Variants in EVI5L observed in about 807,000 individuals in gnomAD.
EVI5L encodes the protein EVI5-like protein.
EVI5L carries 30 observed loss-of-function variants against 106.1 expected under a neutral mutation model. The observed-to-expected ratio is 0.28, with a 90% CI of 0.21 to 0.38. EVI5L has a LOEUF of 0.38. Ranked by LOEUF, EVI5L falls within the 10% of genes least tolerant of loss-of-function variation. EVI5L has a pLI of 1.00. For synonymous variants in EVI5L, 489 were observed against 483.3 expected, an observed-to-expected ratio of 1.01 and a Z score of -0.15; for missense variants, 809 against 1,098.0, an observed-to-expected ratio of 0.74 and a Z score of 3.72.
chr19:7,843,238 G>T (rs1365883031), intron 1 of EVI5L, among the ~76,000 whole-genome samples: 1 of 126,740 alleles, frequency 7.9e-6, no homozygotes, highest in East Asian at 2.5e-4. Context: ...TGTGTCGAGT[G>T]TGTGCATGTG....
rs1306487185 is a variant in EVI5L, at chr19:7,849,237, A to G, written c.553-19A>G. 6.2e-7 allele frequency: 1 copy of G among 1,614,116 alleles called. No individual in the cohort carries two copies. Among genetic ancestry groups the G allele is most frequent in the Middle Eastern group, 1.6e-4 (1 of 6,062 alleles). ...TGCTGGACGGCGGGACCCTGCTCTC[A>G]GGACTTGTTCCCTTCTAGGCATACT... On this transcript the variant is annotated intron_variant, in intron 4 of 19. Coordinates refer to ENST00000538904, the MANE Select transcript of EVI5L (RefSeq NM_001159944.3).
intron 1 of EVI5L, among the ~76,000 whole-genome samples, chr19:7,836,431 G>A (rs972109299): frequency 1.3e-5 from 2 of 152,116 alleles, no homozygotes; most frequent in South Asian, 2.1e-4. Flanking sequence ...TTTCACATAC[G>A]TGTATCATTC....
chr19:7,841,926 A>G (rs987227539), intron 1 of EVI5L, among the ~76,000 whole-genome samples: 2 of 152,228 alleles, frequency 1.3e-5, no homozygotes, highest in Admixed American at 6.5e-5. Context: ...CCACAGAATC[A>G]GGACAGCAGC....
Position 7,863,074 on chromosome 19 carries a change from G to A in EVI5L, c.2043+7G>A, listed in dbSNP as rs1380650348. ...TGCCGAGCTGGAGATCCAGGTGATC[G>A]GCGGGGCCGGGGTCGGGGGGCGGGG... On this transcript the variant is annotated splice_region_variant and intron_variant, in intron 18 of 19. Transcript: ENST00000538904. The surrounding 1 kb of genome is among the most constrained non-coding windows in gnomAD (Gnocchi z 7.7). 2.0e-6 allele frequency: 3 copies of A among 1,523,154 alleles called. No individual in the cohort carries two copies. The highest frequency in any genetic ancestry group is 2.6e-6 in the Non-Finnish European group (3 of 1,137,058). The allele number at this position is 1,523,154 out of a possible 1,614,324, so 94.4% of individuals were successfully genotyped here.
At chr19:7,842,414 CAA>C (rs1232905619) in intron 1 of EVI5L, among the ~76,000 whole-genome samples, 1 of 95,950 alleles carries the variant, frequency 1.0e-5, no homozygotes, top group Non-Finnish European at 2.3e-5. Context: ...GTGTGTGTAT[CAA>C]GTGTGTGCAT....
rs927392803 is a variant in EVI5L, at chr19:7,863,037, G to A, written c.2013G>A (p.Met671Ile). Residue 671 changes from methionine (M) to isoleucine (I), a missense_variant, in exon 18 of 20, where the codon ATG becomes ATA. By Grantham distance (10) the Met-to-Ile change is conservative (BLOSUM62 1). Coordinates refer to ENST00000538904, the MANE Select transcript of EVI5L (RefSeq NM_001159944.3). This position sits in a 1 kb window ranked among gnomAD's most constrained non-coding sequence, Gnocchi z 7.7. ...ACAGCATGGCTGCGGTGGCCGAGATGCGGCAGCGCATTGCCGAGCTGGAGA... is the reference window on the plus strand; with the variant it reads ...ACAGCATGGCTGCGGTGGCCGAGATACGGCAGCGCATTGCCGAGCTGGAGA... ...EADSMAAVAE[M>I]RQRIAELEIQ... The A allele has an allele frequency of 6.3e-7, 1 of 1,575,848 alleles. No individual in the cohort carries two copies.
intron 17 of EVI5L, 98 bp downstream of exon 17, chr19:7,862,632 C>T: frequency 4.4e-6 from 5 of 1,133,202 alleles, no homozygotes; most frequent in South Asian, 2.2e-5. Flanking sequence ...GGCGTCCTGC[C>T]TCCCGATCTG....
Position 7,857,896 on chromosome 19 carries a change from A to C in EVI5L, c.1234-295A>C. ...GGTGGCCTCGCTGTGCCCCTGGATAAGGATCCCAACTGGGGCAGAGACTGA... is the reference window on the plus strand; with the variant it reads ...GGTGGCCTCGCTGTGCCCCTGGATACGGATCCCAACTGGGGCAGAGACTGA... On this transcript the variant is annotated intron_variant, in intron 12 of 19. Transcript: ENST00000538904. The surrounding 1 kb of genome is among the most constrained non-coding windows in gnomAD (Gnocchi z 4.5). The C allele has an allele frequency of 2.5e-6, 1 of 393,338 alleles. No individual in the cohort carries two copies. The highest frequency in any genetic ancestry group is 4.7e-6 in the Non-Finnish European group (1 of 214,026). The allele number at this position is 393,338 out of a possible 1,614,324, so 24.4% of individuals were successfully genotyped here. A position where few individuals can be genotyped will look rare whatever the true frequency, so the allele number is the denominator to read the frequency against.
intron 1 of EVI5L, among the ~76,000 whole-genome samples, chr19:7,843,404 AGT>A (rs1024534788): frequency 4.4e-4 from 12 of 27,244 alleles, no homozygotes; most frequent in African/African-American, 1.2e-3. Flanking sequence ...TAGGTGTGTG[AGT>A]GTGAGAATAG....
At position 7,845,388 on chromosome 19, in the gene EVI5L, C is replaced by T. The variant is rs1246385719; in HGVS notation, c.-47-1108C>T. ...TCCTCTAGGGCCCCCTGCTAGGGGT[C>T]CCCTGGCCATCAGTCCCCACACAGG... On this transcript the variant is annotated intron_variant, in intron 1 of 19. Transcript: ENST00000538904. The surrounding 1 kb of genome is among the most constrained non-coding windows in gnomAD (Gnocchi z 4.0). Among the ~76,000 whole-genome samples, 1 of 152,160 alleles carries T rather than the reference C, an allele frequency of 6.6e-6. No individual in the cohort carries two copies. The highest frequency in any genetic ancestry group is 1.5e-5 in the Non-Finnish European group (1 of 68,018).
Position 7,858,271 on chromosome 19 carries a change from C to T in EVI5L, c.1314C>T (p.Ser438=). The part of the protein sequence containing the change: ...RELAVVRQQC[S]SAAEDLQKAQ... ...TGGCGGTGGTGCGGCAGCAGTGCAGCTCGGCGGCCGAGGACCTGCAGAAGG... is the reference window on the plus strand; with the variant it reads ...TGGCGGTGGTGCGGCAGCAGTGCAGTTCGGCGGCCGAGGACCTGCAGAAGG... Residue 438 remains serine, a synonymous_variant, in exon 13 of 20, where the codon AGC becomes AGT. Coordinates refer to ENST00000538904, the MANE Select transcript of EVI5L (RefSeq NM_001159944.3). The surrounding 1 kb of genome is among the most constrained non-coding windows in gnomAD (Gnocchi z 5.7). 6.4e-7 allele frequency: 1 copy of T among 1,553,744 alleles called. No homozygotes were observed. Among genetic ancestry groups the T allele is most frequent in the South Asian group, 1.2e-5 (1 of 84,318 alleles).
Position 7,857,288 on chromosome 19 carries a change from G to A in EVI5L, c.1233+164G>A. The A allele has an allele frequency of 1.1e-6, 1 of 898,032 alleles. No homozygotes were observed. Among genetic ancestry groups the A allele is most frequent in the Non-Finnish European group, 1.7e-6 (1 of 572,244 alleles). The allele number at this position is 898,032 out of a possible 1,614,324, so 55.6% of individuals were successfully genotyped here. ...TTCTGGGGGACACAGAGGCTTCCCG[G>A]GGGGGCGGGGCATGTGAAGTGGGGA... On this transcript the variant is annotated intron_variant, in intron 12 of 19. Transcript: ENST00000538904. This position sits in a 1 kb window ranked among gnomAD's most constrained non-coding sequence, Gnocchi z 4.5.
In EVI5L at chr19:7,863,940, C is replaced by G. The variant is rs1352109712; in HGVS notation, c.*238C>G. The G allele has an allele frequency of 2.0e-6, 1 of 507,728 alleles. No individual in the cohort carries two copies. Among genetic ancestry groups the G allele is most frequent in the Non-Finnish European group, 3.3e-6 (1 of 302,888 alleles). 31.5% of individuals were successfully genotyped at this position (507,728 alleles called of 1,614,324 possible). On this transcript the variant is annotated 3_prime_UTR_variant, in exon 20 of 20. Transcript: ENST00000538904. The surrounding 1 kb of genome is among the most constrained non-coding windows in gnomAD (Gnocchi z 7.7). ...TTTACCCATCTTGGTCTGTACCCCT[C>G]CGGGCCCTCTGGCGTTCCAGGGGTG...
intron 10 of EVI5L, 72 bp from the exon 11 acceptor site, chr19:7,855,941 AGT>A (rs1191201703): frequency 7.9e-7 from 1 of 1,267,718 alleles, no homozygotes; most frequent in Non-Finnish European, 1.0e-6. Flanking sequence ...TGACCCCGGC[AGT>A]GGGTAAATGA....
chr19:7,842,365 A>C (rs1978649185), intron 1 of EVI5L, among the ~76,000 whole-genome samples: 1 of 138,080 alleles, frequency 7.2e-6, no homozygotes, highest in Non-Finnish European at 1.6e-5. Flanking sequence ...ATGTGTATCA[A>C]GTGCGTGCAT....
rs999088382 is a variant in EVI5L at position 7,857,787 on chromosome 19, G to A, written c.1234-404G>A. ...TGCCGCTGGGAGAGGTGAATGCCCT[G>A]GGGAGCCCAGCCCTCTCCTGCCGGG... On this transcript the variant is annotated intron_variant, in intron 12 of 19. Transcript: ENST00000538904. This position sits in a 1 kb window ranked among gnomAD's most constrained non-coding sequence, Gnocchi z 4.5. 58 of 188,628 alleles carry A rather than the reference G, an allele frequency of 3.1e-4. No homozygotes were observed. Among genetic ancestry groups the A allele is most frequent in the Non-Finnish European group, 4.9e-4 (45 of 92,556 alleles). 11.7% of individuals were successfully genotyped at this position (188,628 alleles called of 1,614,324 possible).
chr19:7,847,925 G>T lies in EVI5L; in HGVS notation c.327+4G>T. Reference sequence around the variant, plus strand: ...CAGGAAGGAGAAGCTGCTCAAGGTGGGGGGCGGCCAGGCAGGCAGGGCTGG... The same window carrying T: ...CAGGAAGGAGAAGCTGCTCAAGGTGTGGGGCGGCCAGGCAGGCAGGGCTGG... On this transcript the variant is annotated splice_donor_region_variant and intron_variant, in intron 3 of 19. Transcript: ENST00000538904. The T allele has an allele frequency of 6.5e-7, 1 of 1,542,140 alleles. No homozygotes were observed. Among genetic ancestry groups the T allele is most frequent in the South Asian group, 1.2e-5 (1 of 84,206 alleles).
intron 2 of EVI5L, among the ~76,000 whole-genome samples, chr19:7,847,485 G>T (rs1486506288): frequency 6.6e-6 from 1 of 151,918 alleles, no homozygotes; most frequent in Non-Finnish European, 1.5e-5. Flanking sequence ...TACTCAGGAG[G>T]CTGAAGCAGG....
At chr19:7,842,995 AGT>A (rs1978719211) in intron 1 of EVI5L, among the ~76,000 whole-genome samples, 1 of 149,454 alleles carries the variant, frequency 6.7e-6, no homozygotes, top group Non-Finnish European at 1.5e-5. Flanking sequence ...ACGTGTGTTG[AGT>A]GTGTGCATGT....
Sources: gnomAD v4.1 joint callset for allele counts (sites outside exome capture counted in the v4.1 genomes callset) on GRCh38, gnomAD v4.1.1 for gene constraint, Gnocchi (gnomAD v3.1) non-coding constraint, MANE v1.5 for transcripts, NCBI Gene and HGNC (gene_info 2026-07-23, HGNC 2026-07-21) for gene names.